Variants in PECAM1 observed in about 807,000 individuals in gnomAD.
PECAM1 encodes the protein platelet endothelial cell adhesion molecule.
In PECAM1, 8 loss-of-function variants were observed where a neutral mutation model predicts 13.8. The ratio of observed to expected loss-of-function variants is 0.58; its 90% confidence interval spans 0.34 to 1.05. The LOEUF is 1.05. Among genes scored for constraint, PECAM1 ranks in the 50% least tolerant of loss-of-function variants. The probability of loss-of-function intolerance (pLI) is 0.03; values close to 1 mark genes in which losing one functional copy is unlikely to be tolerated. For synonymous variants in PECAM1, 136 were observed against 52.6 expected (o/e 2.58, Z -6.86); for missense variants, 304 against 141.2 (o/e 2.15, Z -5.84).
At position 64,352,835 on chromosome 17, in the gene PECAM1, A is replaced by C. The variant is rs977405043; in HGVS notation, c.1917-372T>G. 2.0e-5 allele frequency among the ~76,000 whole-genome samples: 3 copies of C among 151,944 alleles called. No homozygotes were observed. In the East Asian group the frequency reaches 5.8e-4, roughly 29 times the overall value. ...ACGCCCGGCTAATTTTTGTGTTTTT[A>C]GTAGAGATGGGGTTTCGCTGGCTAG... On this transcript the variant is annotated intron_variant, in intron 10 of 15. Coordinates refer to ENST00000563924, the MANE Select transcript of PECAM1 (RefSeq NM_000442.5).
intron 11 of PECAM1, among the ~76,000 whole-genome samples, chr17:64,351,783 G>A (rs2143777074): frequency 6.6e-6 from 1 of 152,268 alleles, no homozygotes; most frequent in African/African-American, 2.4e-5. Context: ...TGTAATTATA[G>A]CCCCCTCTGG....
intron 14 of PECAM1, among the ~76,000 whole-genome samples, chr17:64,339,284 G>T (rs8075386): frequency 0.51 from 76,984 of 151,902 alleles, 19,726 homozygotes; most frequent in Non-Finnish European, 0.54. Flanking sequence ...CTCAGGGGCT[G>T]GCTTGCTGCG....
chr17:64,386,941 G>T (rs985450251), intron 2 of PECAM1, among the ~76,000 whole-genome samples: 1 of 152,090 alleles, frequency 6.6e-6, no homozygotes, highest in African/African-American at 2.4e-5. Flanking sequence ...GGAGGAGTGT[G>T]AACTTAGGGG....
chr17:64,379,955 G>T (rs1425144534), intron 2 of PECAM1, among the ~76,000 whole-genome samples: 10 of 151,664 alleles, frequency 6.6e-5, no homozygotes, highest in African/African-American at 2.4e-4. Context: ...AGCCTGGGAG[G>T]TCGAGGCTGA....
intron 5 of PECAM1, among the ~76,000 whole-genome samples, chr17:64,366,018 C>G (rs1387142170): frequency 6.6e-6 from 1 of 151,880 alleles, no homozygotes; most frequent in Non-Finnish European, 1.5e-5. Context: ...AAAGAAACTA[C>G]CATCAGAGTG....
chr17:64,323,169 G>A lies in PECAM1; in HGVS notation c.*647C>T. Reference sequence around the variant, plus strand: ...ACAAAAACAGTTGAAGAACATCTGTGCTTGTTCCACCTTCATTTTCTGTTT... The same window carrying A: ...ACAAAAACAGTTGAAGAACATCTGTACTTGTTCCACCTTCATTTTCTGTTT... On this transcript the variant is annotated 3_prime_UTR_variant, in exon 16 of 16. Coordinates refer to ENST00000563924, the MANE Select transcript of PECAM1 (RefSeq NM_000442.5). 1.0e-6 allele frequency: 1 copy of A among 986,798 alleles called. No homozygotes were observed. The allele number at this position is 986,798 out of a possible 1,614,324, so 61.1% of individuals were successfully genotyped here.
intron 13 of PECAM1, among the ~76,000 whole-genome samples, chr17:64,347,744 T>TATATA (rs2035614659): frequency 8.5e-5 from 12 of 141,084 alleles, no homozygotes; most frequent in African/African-American, 3.4e-4. Context: ...ATATATATAT[T>TATATA]TTTTGAGATG....
At chr17:64,337,850 A>G (rs905372767) in intron 14 of PECAM1, among the ~76,000 whole-genome samples, 117 of 152,234 alleles carry the variant, frequency 7.7e-4, no homozygotes, top group African/African-American at 2.7e-3. Context: ...GAGCTGGTTC[A>G]GATGTAGAAG....
intron 5 of PECAM1, among the ~76,000 whole-genome samples, chr17:64,367,949 C>A (rs1467490371): frequency 6.6e-6 from 1 of 152,166 alleles, no homozygotes; most frequent in African/African-American, 2.4e-5. Context: ...TGCCAATATA[C>A]CAGTTGGGTA....
chr17:64,390,271 C>T (rs2036687572), intron 2 of PECAM1: 1 of 396,610 alleles, frequency 2.5e-6, no homozygotes, highest in Non-Finnish European at 4.4e-6. Flanking sequence ...GCCAAGGAAA[C>T]GTGTGCTACT....
chr17:64,349,718 C>G, intron 12 of PECAM1, among the ~76,000 whole-genome samples: 1 of 151,440 alleles, frequency 6.6e-6, no homozygotes, highest in Middle Eastern at 3.4e-3. Context: ...AACCCTGTCT[C>G]TAGTAAAAAT....
chr17:64,371,714 C>T (rs1456085256), intron 4 of PECAM1, among the ~76,000 whole-genome samples: 2 of 152,036 alleles, frequency 1.3e-5, no homozygotes, highest in East Asian at 1.9e-4. Context: ...CCTGTAATGC[C>T]AGCTACTCAG....
At chr17:64,362,145 C>T (rs1034863272) in intron 6 of PECAM1, among the ~76,000 whole-genome samples, 192 of 152,318 alleles carry the variant, frequency 1.3e-3, no homozygotes, top group African/African-American at 4.4e-3. Context: ...CAGAGACCAA[C>T]AGCATCCACA....
At chr17:64,366,301 G>A (rs1598037751) in intron 5 of PECAM1, among the ~76,000 whole-genome samples, 1 of 151,932 alleles carries the variant, frequency 6.6e-6, no homozygotes, top group Non-Finnish European at 1.5e-5. Flanking sequence ...TTAGAATGGC[G>A]ATCATTAAAA....
At chr17:64,377,617 A>AAGGAAGGAAGGAAGGAAGG (rs2036389076) in intron 3 of PECAM1, 1 of 248,728 alleles carries the variant, frequency 4.0e-6, no homozygotes, top group African/African-American at 2.5e-5. Context: ...TCAAAGAAAG[A>AAGGAAGGAAGGAAGGAAGG]AAGGAAGGAA....
rs1012307884 is a variant in PECAM1 at position 64,352,478 on chromosome 17, T to C, written c.1917-15A>G. ...GTACTGCTGGCCTTAAAATGAAATA[T>C]AAAAACAGAAAACAATATATAGATA... On this transcript the variant is annotated splice_polypyrimidine_tract_variant and intron_variant, in intron 10 of 15. Transcript: ENST00000563924. The C allele has an allele frequency of 2.1e-6, 1 of 471,694 alleles. No individual in the cohort carries two copies. The highest frequency in any genetic ancestry group is 3.9e-6 in the Non-Finnish European group (1 of 257,206). The allele number at this position is 471,694 out of a possible 1,614,324, so 29.2% of individuals were successfully genotyped here.
chr17:64,367,906 C>T (rs1598039925), intron 5 of PECAM1, among the ~76,000 whole-genome samples: 2 of 152,264 alleles, frequency 1.3e-5, no homozygotes, highest in East Asian at 3.9e-4. Context: ...AAATTGCTAG[C>T]ACACACTATA....
intron 4 of PECAM1, among the ~76,000 whole-genome samples, 181 bp downstream of exon 4, chr17:64,374,870 G>A (rs2036322105): frequency 6.6e-6 from 1 of 152,104 alleles, no homozygotes; most frequent in Non-Finnish European, 1.5e-5. Flanking sequence ...ACTCTTGTCT[G>A]AAAAATTGTA....
At chr17:64,383,440 T>G (rs2036526425) in intron 2 of PECAM1, among the ~76,000 whole-genome samples, 1 of 151,654 alleles carries the variant, frequency 6.6e-6, no homozygotes, top group Non-Finnish European at 1.5e-5. Context: ...TATTGCCCAG[T>G]GCCTGGCCTC....
Sources: gnomAD v4.1 joint callset for allele counts (sites outside exome capture counted in the v4.1 genomes callset) on GRCh38, gnomAD v4.1.1 for gene constraint, MANE v1.5 for transcripts, NCBI Gene and HGNC (gene_info 2026-07-23, HGNC 2026-07-21) for gene names.